CADM2: variants seen among roughly 807,000 people sequenced by gnomAD.
CADM2 encodes cell adhesion molecule 2, also known as immunoglobulin superfamily member 4D.
A neutral mutation model predicts 49.8 loss-of-function variants in CADM2; 12 were observed. That is an observed-to-expected ratio of 0.24 (90% confidence interval 0.15 to 0.39). CADM2 has a LOEUF of 0.39. CADM2 is among the 10% of genes least tolerant of loss of function. The pLI is 1.00. For synonymous variants in CADM2, 214 were observed against 175.4 expected (o/e 1.22, Z -1.74); for missense variants, 378 against 492.3 (o/e 0.77, Z 2.20).
intron 1 of CADM2, among the ~76,000 whole-genome samples, chr3:85,554,159 A>G (rs7618494): frequency 0.61 from 90,990 of 149,660 alleles, 28,752 homozygotes; most frequent in East Asian, 0.93. Flanking sequence ...AGGTGTTTTG[A>G]GGATGAAACT....
chr3:85,725,018 TA>T (rs1023969276), intron 1 of CADM2, among the ~76,000 whole-genome samples: 2 of 151,690 alleles, frequency 1.3e-5, no homozygotes, highest in Admixed American at 6.6e-5. Context: ...TAAGTTACTT[TA>T]AAAAAAATCT....
chr3:85,684,689 G>A (rs565932860), intron 1 of CADM2, among the ~76,000 whole-genome samples: 2 of 152,252 alleles, frequency 1.3e-5, no homozygotes, highest in Admixed American at 1.3e-4. Context: ...GATAATGGTG[G>A]CAGATAAGAG....
intron 1 of CADM2, among the ~76,000 whole-genome samples, chr3:85,624,366 T>A (rs1471753581): frequency 6.6e-6 from 1 of 152,124 alleles, no homozygotes; most frequent in Non-Finnish European, 1.5e-5. Context: ...GGAGTCCCGC[T>A]CTGTCATCCA....
At chr3:85,595,800 A>T (rs188113275) in intron 1 of CADM2, among the ~76,000 whole-genome samples, 3 of 152,038 alleles carry the variant, frequency 2.0e-5, no homozygotes, top group Admixed American at 1.3e-4. Context: ...AACATTAAAC[A>T]AGTGTATATC....
chr3:85,155,375 A>G (rs1215079432), intron 1 of CADM2, among the ~76,000 whole-genome samples: 1 of 151,964 alleles, frequency 6.6e-6, no homozygotes, highest in Non-Finnish European at 1.5e-5. Context: ...GGATCAATTC[A>G]ACAAGAAGAG....
At chr3:85,850,667 T>G (rs2075072704) in intron 3 of CADM2, among the ~76,000 whole-genome samples, 1 of 152,140 alleles carries the variant, frequency 6.6e-6, no homozygotes, top group Admixed American at 6.5e-5. Context: ...CTTTGTGGAT[T>G]GGAGTATTCT....
At chr3:85,297,762 A>C (rs1486023906) in intron 1 of CADM2, among the ~76,000 whole-genome samples, 2 of 151,956 alleles carry the variant, frequency 1.3e-5, no homozygotes, top group Non-Finnish European at 2.9e-5. Context: ...TGTTCTTAGC[A>C]CCAATTTCCA....
intron 3 of CADM2, among the ~76,000 whole-genome samples, chr3:85,820,048 T>C (rs2073456065): frequency 6.6e-6 from 1 of 152,066 alleles, no homozygotes; most frequent in Admixed American, 6.6e-5. Context: ...GTGTCATGTC[T>C]CATCCTTTAG....
At chr3:85,435,421 TG>T (rs1483506603) in intron 1 of CADM2, among the ~76,000 whole-genome samples, 2 of 152,154 alleles carry the variant, frequency 1.3e-5, no homozygotes, top group African/African-American at 4.8e-5. Context: ...CTATCATCGA[TG>T]GGCATTGGGT....
chr3:85,243,300 G>T (rs116495561), intron 1 of CADM2, among the ~76,000 whole-genome samples: 1 of 151,778 alleles, frequency 6.6e-6, no homozygotes, highest in Non-Finnish European at 1.5e-5. Flanking sequence ...ATCGTTCAAT[G>T]AAAAACAGTA....
intron 4 of CADM2, among the ~76,000 whole-genome samples, chr3:85,885,892 C>G (rs1341824422): frequency 6.9e-6 from 1 of 145,446 alleles, no homozygotes; most frequent in Non-Finnish European, 1.5e-5. Flanking sequence ...ATTTAAAAAA[C>G]TACTTTGAGC....
chr3:85,456,648 T>G (rs559438638), intron 1 of CADM2, among the ~76,000 whole-genome samples: 128 of 152,190 alleles, frequency 8.4e-4, no homozygotes, highest in South Asian at 7.3e-3. Flanking sequence ...TACTCAAATA[T>G]AAATAAATTT....
At chr3:85,472,365 T>C (rs1230793201) in intron 1 of CADM2, among the ~76,000 whole-genome samples, 3 of 151,934 alleles carry the variant, frequency 2.0e-5, no homozygotes, top group Non-Finnish European at 4.4e-5. Flanking sequence ...GGGAAAAGTA[T>C]AAGTTGTGTT....
chr3:85,986,386 A>G (rs141707868), intron 8 of CADM2, among the ~76,000 whole-genome samples: 293 of 152,176 alleles, frequency 1.9e-3, no homozygotes, highest in African/African-American at 6.8e-3. Context: ...ATCTTGACAC[A>G]GTTAAATCCC....
At chr3:85,377,297 A>T (rs1219402715) in intron 1 of CADM2, among the ~76,000 whole-genome samples, 1 of 152,090 alleles carries the variant, frequency 6.6e-6, no homozygotes, top group East Asian at 1.9e-4. Context: ...TTCCCAAGAT[A>T]GCGGAATTAG....
chr3:85,043,787 TG>T (rs1264636727), intron 1 of CADM2, among the ~76,000 whole-genome samples: 1 of 152,138 alleles, frequency 6.6e-6, no homozygotes, highest in Non-Finnish European at 1.5e-5. Context: ...TATCCTTGTC[TG>T]GGGTACACAA....
intron 1 of CADM2, among the ~76,000 whole-genome samples, chr3:85,086,797 C>T (rs1328388442): frequency 6.6e-6 from 1 of 152,138 alleles, no homozygotes; most frequent in East Asian, 1.9e-4. Flanking sequence ...GTGTGAGCCA[C>T]CGCATCCATC....
At chr3:86,029,588 T>G (rs1446164615) in intron 8 of CADM2, among the ~76,000 whole-genome samples, 2 of 151,918 alleles carry the variant, frequency 1.3e-5, no homozygotes, top group Non-Finnish European at 2.9e-5. Context: ...CCTAGGATAA[T>G]AATATCAAGG....
chr3:85,436,294 G>T (rs2036927547), intron 1 of CADM2, among the ~76,000 whole-genome samples: 1 of 152,186 alleles, frequency 6.6e-6, no homozygotes, highest in African/African-American at 2.4e-5. Context: ...CTTTGCTGAA[G>T]TTGCTTATCA....
Sources: allele counts gnomAD v4.1 joint callset (sites outside exome capture counted in the v4.1 genomes callset), GRCh38; gene constraint gnomAD v4.1.1; transcripts MANE v1.5; gene names NCBI Gene and HGNC (gene_info 2026-07-23, HGNC 2026-07-21).